Variants in CSMD1 observed in about 807,000 individuals in gnomAD.
The protein encoded by CSMD1 is CUB and sushi domain-containing protein 1.
CSMD1 carries 213 observed loss-of-function variants against 417.5 expected under a neutral mutation model. That is an observed-to-expected ratio of 0.51 (90% CI 0.46 to 0.57). CSMD1 has a LOEUF of 0.57. Among genes scored for constraint, CSMD1 ranks in the 20% least tolerant of loss-of-function variants. The pLI is 0.00. For missense variants in CSMD1, 6,923 were observed against 4,529.7 expected (o/e 1.53, Z -15.17); for synonymous variants, 2,862 against 1,736.8 (o/e 1.65, Z -16.11).
At chr8:4,208,589 G>C (rs1219065119) in intron 3 of CSMD1, among the ~76,000 whole-genome samples, 1 of 151,956 alleles carries the variant, frequency 6.6e-6, no homozygotes, top group African/African-American at 2.4e-5. Flanking sequence ...TTTTCCTACT[G>C]AAATTAATGT....
intron 10 of CSMD1, among the ~76,000 whole-genome samples, chr8:3,560,733 A>G (rs1328418562): frequency 6.6e-6 from 1 of 152,230 alleles, no homozygotes; most frequent in Non-Finnish European, 1.5e-5. Context: ...GAACCTAATT[A>G]TCACTAGCAG....
intron 3 of CSMD1, among the ~76,000 whole-genome samples, chr8:4,261,244 G>A (rs1237573091): frequency 3.3e-5 from 5 of 152,104 alleles, no homozygotes; most frequent in Admixed American, 3.3e-4. Flanking sequence ...TTGTGTAGTA[G>A]ACTCAAAAAG....
chr8:3,729,350 AG>A (rs1802685703), intron 6 of CSMD1, among the ~76,000 whole-genome samples: 1 of 152,162 alleles, frequency 6.6e-6, no homozygotes, highest in African/African-American at 2.4e-5. Context: ...TTGCCAGTCT[AG>A]CTCTGCCACC....
chr8:3,056,152 C>G (rs1380931972), intron 49 of CSMD1, among the ~76,000 whole-genome samples: 2 of 152,158 alleles, frequency 1.3e-5, no homozygotes, highest in Non-Finnish European at 2.9e-5. Flanking sequence ...TTAAAGAGAG[C>G]AAAGAGTAAG....
chr8:4,885,713 T>C (rs910742438), intron 1 of CSMD1, among the ~76,000 whole-genome samples: 1 of 151,438 alleles, frequency 6.6e-6, no homozygotes, highest in Non-Finnish European at 1.5e-5. Flanking sequence ...AATAAAGATA[T>C]ACTTATGTAT....
At chr8:4,009,674 G>GCT (rs1816393420) in intron 4 of CSMD1, among the ~76,000 whole-genome samples, 9 of 152,122 alleles carry the variant, frequency 5.9e-5, no homozygotes, top group African/African-American at 2.2e-4. Flanking sequence ...TGTAATACTG[G>GCT]GAGATATTAT....
At chr8:3,509,102 G>C (rs115986776) in intron 10 of CSMD1, among the ~76,000 whole-genome samples, 1 of 152,116 alleles carries the variant, frequency 6.6e-6, no homozygotes, top group South Asian at 2.1e-4. Flanking sequence ...AAATTAATGC[G>C]TGCTCAGTAG....
rs1168075294 is a variant in CSMD1 at position 4,829,796 on chromosome 8, TA to T, written c.85+164535del. On this transcript the variant is annotated intron_variant, in intron 1 of 69. Coordinates refer to ENST00000635120, the MANE Select transcript of CSMD1 (RefSeq NM_033225.6). ...TGTAGCTGTTTCACACCCACCTAGT[TA>T]ATGGTCTAAAGAACAGCAAGAAGCA... Among the ~76,000 whole-genome samples, 30 of 151,024 alleles carry T rather than the reference TA, an allele frequency of 2.0e-4. 1 individual carries two copies. Among genetic ancestry groups the T allele is most frequent in the Admixed American group, 1.7e-3 (26 of 15,198 alleles).
intron 2 of CSMD1, among the ~76,000 whole-genome samples, chr8:4,504,090 C>T (rs1185059267): frequency 6.6e-6 from 1 of 151,918 alleles, no homozygotes; most frequent in Non-Finnish European, 1.5e-5. Context: ...ACTATGTCCA[C>T]TGATTGATGG....
rs201411018 is a variant in CSMD1 at position 3,126,366 on chromosome 8, CAGG to C, written c.6242-7782_6242-7780del. 2.4e-3 allele frequency among the ~76,000 whole-genome samples: 366 copies of C among 152,270 alleles called. 7 individuals carry two copies. The East Asian group carries it at 0.049, about 20-fold the overall frequency. On this transcript the variant is annotated intron_variant, in intron 41 of 69. Coordinates refer to ENST00000635120, the MANE Select transcript of CSMD1 (RefSeq NM_033225.6). ...GCAACTGCTCTGATGGAGACAGACC[CAGG>C]AGGAGGCTACTGCTTCTGGTGGTGG... is the stretch of plus-strand genomic sequence containing the variant.
intron 1 of CSMD1, among the ~76,000 whole-genome samples, chr8:4,824,117 C>G (rs1409063228): frequency 6.6e-6 from 1 of 151,590 alleles, no homozygotes; most frequent in East Asian, 1.9e-4. Context: ...CACACTCTCC[C>G]TCTCACACGT....
chr8:4,777,823 C>A (rs12676164), intron 1 of CSMD1, among the ~76,000 whole-genome samples: 1 of 152,144 alleles, frequency 6.6e-6, no homozygotes, highest in Non-Finnish European at 1.5e-5. Context: ...TTTCAGACTT[C>A]ACATCTACAA....
rs539936152 is a variant in CSMD1 at position 4,323,079 on chromosome 8, C to T, written c.415+96874G>A. On this transcript the variant is annotated intron_variant, in intron 3 of 69. Transcript: ENST00000635120. ...AGCCTACAAATAGAGAGTTAAGCAGCGAAGGAATGGAAAAATCATATGATT... is the reference window on the plus strand; with the variant it reads ...AGCCTACAAATAGAGAGTTAAGCAGTGAAGGAATGGAAAAATCATATGATT... 5.8e-3 allele frequency among the ~76,000 whole-genome samples: 847 copies of T among 145,988 alleles called. 2 individuals are homozygous for T. Among genetic ancestry groups the T allele is most frequent in the Middle Eastern group, 0.011 (3 of 284 alleles).
chr8:4,343,092 C>T (rs1800572827), intron 3 of CSMD1, among the ~76,000 whole-genome samples: 1 of 151,938 alleles, frequency 6.6e-6, no homozygotes, highest in Non-Finnish European at 1.5e-5. Context: ...TCTCAGTGAC[C>T]AAGGGATATG....
rs899323362 is a variant in CSMD1 at position 3,303,792 on chromosome 8, T to C, written c.3950+3903A>G. Among the ~76,000 whole-genome samples the C allele has an allele frequency of 2.0e-5, 3 of 152,200 alleles. No individual in the cohort carries two copies. The South Asian group carries it at 6.2e-4, about 31-fold the overall frequency. On this transcript the variant is annotated intron_variant, in intron 25 of 69. Transcript: ENST00000635120. ...GATCTCTTAGAGAAATATTACCAAA[T>C]AACTTTCAATGGGGCTAAATTTTCT...
At chr8:3,923,185 A>G (rs946775277) in intron 5 of CSMD1, among the ~76,000 whole-genome samples, 4 of 152,104 alleles carry the variant, frequency 2.6e-5, no homozygotes, top group Non-Finnish European at 4.4e-5. Context: ...TCATCAGTGC[A>G]CTAATGAGTG....
intron 3 of CSMD1, among the ~76,000 whole-genome samples, chr8:4,198,781 T>C (rs1252048334): frequency 2.0e-5 from 3 of 152,170 alleles, no homozygotes; most frequent in Non-Finnish European, 4.4e-5. Context: ...TTCTAAGAGT[T>C]CATCGACTTT....
At chr8:3,092,343 A>G (rs7002758) in intron 47 of CSMD1, among the ~76,000 whole-genome samples, 1 of 152,006 alleles carries the variant, frequency 6.6e-6, no homozygotes, top group African/African-American at 2.4e-5. Context: ...GATAAATATA[A>G]TAGGATAACA....
At chr8:2,993,456 G>A (rs996751463) in intron 54 of CSMD1, among the ~76,000 whole-genome samples, 5 of 152,278 alleles carry the variant, frequency 3.3e-5, no homozygotes, top group African/African-American at 1.2e-4. Context: ...AGGAGTGTCA[G>A]GGCACTGAGG....
Sources: allele counts gnomAD v4.1 joint callset (sites outside exome capture counted in the v4.1 genomes callset), GRCh38; gene constraint gnomAD v4.1.1; transcripts MANE v1.5; gene names NCBI Gene and HGNC (gene_info 2026-07-23, HGNC 2026-07-21).